The following CD36 variants were observed in gnomAD, a reference collection of about 807,000 sequenced individuals.
CD36 encodes CD36 molecule (CD36 blood group).
In CD36, 119 loss-of-function variants were observed where a neutral mutation model predicts 55.2. The ratio of observed to expected loss-of-function variants is 2.15; its 90% CI spans 1.86 to 2.51. CD36 has a LOEUF of 2.51. Ranked by LOEUF, CD36 falls within the 30% of genes most tolerant of loss-of-function variation. The pLI, the probability that CD36 is intolerant of heterozygous loss-of-function variation, is 0.00. For missense variants in CD36, 819 were observed against 555.5 expected, an observed-to-expected ratio of 1.47 and a Z score of -4.77; for synonymous variants, 186 against 193.6, an observed-to-expected ratio of 0.96 and a Z score of 0.33.
intron 1 of CD36, among the ~76,000 whole-genome samples, chr7:80,610,921 G>A (rs149258323): frequency 0.01 from 1,592 of 152,020 alleles, 26 homozygotes; most frequent in African/African-American, 0.036. Context: ...TGTCAGTCAG[G>A]CTGGAGTGCA....
chr7:80,656,431 A>G (rs1796073628), intron 3 of CD36, 109 bp from the exon 4 acceptor site: 2 of 882,910 alleles, frequency 2.3e-6, no homozygotes, highest in Non-Finnish European at 3.7e-6. Flanking sequence ...TGAATGAGGT[A>G]CTTGGGCTTG....
At chr7:80,624,404 TAAG>T (rs562694644) in intron 1 of CD36, among the ~76,000 whole-genome samples, 4 of 152,118 alleles carry the variant, frequency 2.6e-5, no homozygotes, top group African/African-American at 4.8e-5. Flanking sequence ...AACTTTTAAA[TAAG>T]AAGTTGTATC....
chr7:80,670,738 G>GCCCC (rs1797579013), intron 9 of CD36: 1 of 513,128 alleles, frequency 1.9e-6, no homozygotes, highest in East Asian at 3.4e-5. Flanking sequence ...TGGATAAATT[G>GCCCC]CCTGTGAGAA....
At chr7:80,673,870 T>A in intron 13 of CD36, 113 bp from the exon 14 acceptor site, 4 of 786,446 alleles carry the variant, frequency 5.1e-6, no homozygotes, top group Non-Finnish European at 8.7e-6. Flanking sequence ...GCCTTATAGA[T>A]ACTGATGACT....
At chr7:80,637,089 T>C (rs1051598613), upstream of CD36, 3 of 152,148 alleles carry the variant, frequency 2.0e-5, no homozygotes, top group Non-Finnish European at 4.4e-5. Context: ...ATTTTCATTA[T>C]ACTTTAGTCT....
chr7:80,646,864 C>T lies in CD36; in HGVS notation c.120+4C>T, dbSNP rs767331279. On this transcript the variant is annotated splice_donor_region_variant and intron_variant, in intron 3 of 14. Transcript: ENST00000447544. ...TATCCAGAAGACAATTAAAAAGGTA[C>T]AAGTAGTCCAAAGAATATGCCTTCT... is the stretch of plus-strand genomic sequence containing the variant. 1 of 1,613,682 alleles carries T rather than the reference C, an allele frequency of 6.2e-7. No homozygotes were observed.
chr7:80,625,951 A>G (rs1165489483), intron 1 of CD36, among the ~76,000 whole-genome samples: 1 of 152,192 alleles, frequency 6.6e-6, no homozygotes. Context: ...GACAAATATT[A>G]TTATTCAATA....
intron 3 of CD36, among the ~76,000 whole-genome samples, chr7:80,651,578 T>C (rs1009953324): frequency 1.3e-5 from 2 of 152,084 alleles, no homozygotes; most frequent in African/African-American, 4.8e-5. Flanking sequence ...AAGAAATGCC[T>C]TCAGACAAAA....
chr7:80,624,685 A>C (rs1793650446), intron 1 of CD36, among the ~76,000 whole-genome samples: 1 of 152,032 alleles, frequency 6.6e-6, no homozygotes, highest in Non-Finnish European at 1.5e-5. Flanking sequence ...CAGCCTGGAA[A>C]ACACAGCAAA....
At chr7:80,657,499 T>C (rs1796185488) in intron 4 of CD36, among the ~76,000 whole-genome samples, 1 of 152,164 alleles carries the variant, frequency 6.6e-6, no homozygotes, top group South Asian at 2.1e-4. Flanking sequence ...GTATTAGAAC[T>C]AGAGGAAATG....
upstream of CD36, among the ~76,000 whole-genome samples, chr7:80,637,340 T>C (rs1584339964): frequency 6.6e-6 from 1 of 152,204 alleles, no homozygotes; most frequent in East Asian, 1.9e-4. Context: ...TTAAGGGAAT[T>C]ACCTTCTTAA....
At chr7:80,644,457 T>C (rs1795015146) in intron 1 of CD36, among the ~76,000 whole-genome samples, 1 of 152,178 alleles carries the variant, frequency 6.6e-6, no homozygotes, top group Non-Finnish European at 1.5e-5. Flanking sequence ...AAGTATCCTA[T>C]GTATAAGGGA....
At chr7:80,662,643 G>C (rs1243573098) in intron 5 of CD36, 2 of 328,198 alleles carry the variant, frequency 6.1e-6, no homozygotes, top group Non-Finnish European at 1.2e-5. Flanking sequence ...TGTTACATAG[G>C]TATACATGTG....
At chr7:80,604,024 C>A (rs1682292177) in intron 1 of CD36, among the ~76,000 whole-genome samples, 1 of 151,950 alleles carries the variant, frequency 6.6e-6, no homozygotes, top group Non-Finnish European at 1.5e-5. Context: ...TAAAGAAATG[C>A]TATAAAATGA....
intron 1 of CD36, among the ~76,000 whole-genome samples, chr7:80,643,894 G>C (rs890341226): frequency 6.6e-6 from 1 of 152,042 alleles, no homozygotes; most frequent in Non-Finnish European, 1.5e-5. Flanking sequence ...TAATTGCTTC[G>C]TTAAGTATAA....
chr7:80,658,535 C>T (rs1414089351), intron 4 of CD36, among the ~76,000 whole-genome samples: 5 of 152,056 alleles, frequency 3.3e-5, no homozygotes, highest in Non-Finnish European at 7.4e-5. Flanking sequence ...TTCTGTCACC[C>T]ACTCTAGAGT....
chr7:80,658,669 GT>G (rs1176109961), intron 4 of CD36, among the ~76,000 whole-genome samples: 1 of 151,948 alleles, frequency 6.6e-6, no homozygotes, highest in Non-Finnish European at 1.5e-5. Flanking sequence ...ATTTTTATGG[GT>G]TTTGTTTTGT....
intron 8 of CD36, among the ~76,000 whole-genome samples, chr7:80,667,165 T>C (rs1021715256): frequency 5.3e-5 from 8 of 152,132 alleles, no homozygotes; most frequent in Non-Finnish European, 1.0e-4. Flanking sequence ...CAGTGGCTCA[T>C]GTCTATAATC....
intron 5 of CD36, chr7:80,662,462 C>A (rs1003254487): frequency 7.7e-6 from 2 of 259,862 alleles, no homozygotes; most frequent in Non-Finnish European, 1.7e-5. Flanking sequence ...TTGGTCAGGT[C>A]ACTGGCAGAG....
Sources: gnomAD v4.1 joint callset for allele counts (sites outside exome capture counted in the v4.1 genomes callset) on GRCh38, gnomAD v4.1.1 for gene constraint, MANE v1.5 for transcripts, NCBI Gene and HGNC (gene_info 2026-07-23, HGNC 2026-07-21) for gene names.